The following USP31 variants were observed in gnomAD, a reference collection of about 807,000 sequenced individuals.
The protein encoded by USP31 is ubiquitin carboxyl-terminal hydrolase 31.
In USP31, 44 loss-of-function variants were observed where a neutral mutation model predicts 119.4. That is an observed-to-expected ratio of 0.37 (90% CI 0.29 to 0.47). USP31 has a LOEUF of 0.47. USP31 is among the 20% of genes least tolerant of loss of function. USP31 has a pLI of 0.99. For missense variants in USP31, 1,643 were observed against 1,730.2 expected, an observed-to-expected ratio of 0.95 and a Z score of 0.89; for synonymous variants, 749 against 705.6, an observed-to-expected ratio of 1.06 and a Z score of -0.97.
Position 23,149,330 on chromosome 16 carries a change from G to A in USP31, c.-60C>T. On this transcript the variant is annotated 5_prime_UTR_variant, in exon 1 of 16. Coordinates refer to ENST00000219689, the MANE Select transcript of USP31 (RefSeq NM_020718.4). ...CCGCCCGGCCCGCGGCCCCGCCACG[G>A]CCGCCGCCGCATCCCGCAGCGCCGC... is the stretch of plus-strand genomic sequence containing the variant. 9.9e-7 allele frequency: 1 copy of A among 1,006,872 alleles called. No individual in the cohort carries two copies. The highest frequency in any genetic ancestry group is 1.2e-6 in the Non-Finnish European group (1 of 846,084). 62.4% of individuals were successfully genotyped at this position (1,006,872 alleles called of 1,614,324 possible).
chr16:23,074,000 A>G, intron 13 of USP31, 120 bp from the exon 14 acceptor site: 1 of 1,327,694 alleles, frequency 7.5e-7, no homozygotes, highest in Non-Finnish European at 1.1e-6. Flanking sequence ...GGCTGCGTAT[A>G]GCAACACAGA....
intron 4 of USP31, 96 bp from the exon 5 acceptor site, chr16:23,105,672 T>C (rs1902069238): frequency 4.5e-6 from 6 of 1,323,688 alleles, no homozygotes; most frequent in Non-Finnish European, 5.9e-6. Context: ...AACAAAAAAC[T>C]AAAGCTAACC....
chr16:23,109,438 T>C (rs1318874247), intron 1 of USP31, among the ~76,000 whole-genome samples: 2 of 152,056 alleles, frequency 1.3e-5, no homozygotes, highest in Non-Finnish European at 2.9e-5. Context: ...TATAAAAAAG[T>C]ATAAATTGAT....
chr16:23,137,854 T>C (rs1903240642), intron 1 of USP31, among the ~76,000 whole-genome samples: 1 of 152,108 alleles, frequency 6.6e-6, no homozygotes, highest in Non-Finnish European at 1.5e-5. Context: ...ATAAGTAAAT[T>C]ATCACTTAGC....
intron 6 of USP31, among the ~76,000 whole-genome samples, chr16:23,092,321 G>C (rs933256478): frequency 6.6e-6 from 1 of 152,204 alleles, no homozygotes; most frequent in African/African-American, 2.4e-5. Flanking sequence ...GGTGGGAACA[G>C]GATTTTGAGA....
chr16:23,068,119 G>A lies in USP31; in HGVS notation c.3986C>T (p.Ser1329Phe). ...TAACTTTTTTGAGGATTTCTCTGCA[G>A]ACTGCCTGCCACCCGGAGACGAGGG... is the stretch of plus-strand genomic sequence containing the variant. The part of the protein sequence containing the change: ...GVPSSPGGRQ[S>F]AEKSSKKLSS... The change falls in exon 16 of 16, where the codon TCT becomes TTT. Residue 1329 changes from serine to phenylalanine, a missense_variant. Ser to Phe is a radical substitution (Grantham distance 155, BLOSUM62 -2). Around this residue, in one of 5 missense-constraint regions of USP31, gnomAD observed 699 missense variants for 650.9 expected, o/e 1.07. Coordinates refer to ENST00000219689, the MANE Select transcript of USP31 (RefSeq NM_020718.4). 1 of 1,614,238 alleles carries A rather than the reference G, an allele frequency of 6.2e-7. No homozygotes were observed. Among genetic ancestry groups the A allele is most frequent in the East Asian group, 2.2e-5 (1 of 44,888 alleles).
intron 1 of USP31, 102 bp downstream of exon 1, chr16:23,148,536 G>A (rs1903598344): frequency 7.3e-7 from 1 of 1,365,900 alleles, no homozygotes; most frequent in Non-Finnish European, 9.4e-7. Flanking sequence ...AACCAATGCA[G>A]AAGCCTGCCG....
At chr16:23,093,521 G>T (rs1050670582) in intron 6 of USP31, among the ~76,000 whole-genome samples, 1 of 152,154 alleles carries the variant, frequency 6.6e-6, no homozygotes, top group Non-Finnish European at 1.5e-5. Flanking sequence ...AAATCAAAAA[G>T]ATGAAAAATA....
At chr16:23,070,453 C>T (rs1422782313) in intron 15 of USP31, among the ~76,000 whole-genome samples, 1 of 152,162 alleles carries the variant, frequency 6.6e-6, no homozygotes, top group Admixed American at 6.5e-5. Context: ...GTGGCTCATG[C>T]CTGTAATCCC....
intron 6 of USP31, among the ~76,000 whole-genome samples, chr16:23,100,894 A>G (rs1901823646): frequency 1.3e-5 from 2 of 152,194 alleles, no homozygotes; most frequent in South Asian, 2.1e-4. Context: ...GGTAAGGAAC[A>G]TGGAAAAGCA....
rs140841587 is a variant in USP31 at position 23,089,957 on chromosome 16, T to C, written c.1415+667A>G. Among the ~76,000 whole-genome samples the C allele has an allele frequency of 2.1e-3, 312 of 152,192 alleles. 6 individuals are homozygous for C. Among genetic ancestry groups the C allele is most frequent in the Non-Finnish European group, 2.6e-3 (174 of 68,022 alleles). On this transcript the variant is annotated intron_variant, in intron 7 of 15. Transcript: ENST00000219689. ...ATTTGGGACAGAAGACTGAGGGACA[T>C]GCACCATCCAAGTAGACATGTTAAC... is the stretch of plus-strand genomic sequence containing the variant.
chr16:23,147,505 C>CAAA (rs1445407396), intron 1 of USP31, among the ~76,000 whole-genome samples: 1 of 152,200 alleles, frequency 6.6e-6, no homozygotes, highest in African/African-American at 2.4e-5. Flanking sequence ...AGTAACCGCC[C>CAAA]AATTTCTTAG....
In USP31 at chr16:23,115,807, G is replaced by C. The variant is rs1472389322; in HGVS notation, c.634-7624C>G. The C allele has an allele frequency of 6.1e-6, 6 of 980,330 alleles. No individual in the cohort carries two copies. The South Asian group carries it at 1.9e-4, about 31-fold the overall frequency. 60.7% of individuals were successfully genotyped at this position (980,330 alleles called of 1,614,324 possible). On this transcript the variant is annotated intron_variant, in intron 1 of 15. Coordinates refer to ENST00000219689, the MANE Select transcript of USP31 (RefSeq NM_020718.4). ...AAAATTTCTCCTTACCCTTCAAAGA[G>C]AGAATGTTTTTATTTTTTTCCCTTA...
chr16:23,114,150 T>C (rs1042679904), intron 1 of USP31, among the ~76,000 whole-genome samples: 6 of 150,382 alleles, frequency 4.0e-5, no homozygotes, highest in African/African-American at 1.2e-4. Flanking sequence ...AAAGGAGAGA[T>C]TGATTTAAAA....
chr16:23,119,244 G>A (rs368113728), intron 1 of USP31, among the ~76,000 whole-genome samples: 2 of 151,382 alleles, frequency 1.3e-5, no homozygotes, highest in Non-Finnish European at 2.9e-5. Flanking sequence ...GATTACAGGC[G>A]CATATCACCA....
At chr16:23,107,053 G>A (rs187602121) in intron 2 of USP31, among the ~76,000 whole-genome samples, 150 of 151,958 alleles carry the variant, frequency 9.9e-4, no homozygotes, top group African/African-American at 3.5e-3. Flanking sequence ...CAGAGGTTGT[G>A]GTGAGCCGAG....
At chr16:23,100,046 T>C (rs1371416530) in intron 6 of USP31, among the ~76,000 whole-genome samples, 3 of 152,144 alleles carry the variant, frequency 2.0e-5, no homozygotes, top group Non-Finnish European at 2.9e-5. Context: ...GGCGAGGACG[T>C]AGAGAAACTG....
chr16:23,083,880 C>T (rs1900966375), intron 11 of USP31, among the ~76,000 whole-genome samples: 1 of 152,072 alleles, frequency 6.6e-6, no homozygotes, highest in Non-Finnish European at 1.5e-5. Context: ...GAATTTAAGA[C>T]AGAGAACAAC....
At chr16:23,143,045 T>C (rs974249788) in intron 1 of USP31, among the ~76,000 whole-genome samples, 3 of 152,180 alleles carry the variant, frequency 2.0e-5, no homozygotes, top group African/African-American at 7.2e-5. Flanking sequence ...GATTGCCAGG[T>C]TGTTCACCAC....
Sources: allele counts gnomAD v4.1 joint callset (sites outside exome capture counted in the v4.1 genomes callset), GRCh38; gene constraint gnomAD v4.1.1; regional missense constraint gnomAD v4.1.1; transcripts MANE v1.5; gene names NCBI Gene and HGNC (gene_info 2026-07-23, HGNC 2026-07-21).